Variants in XRCC4 observed in about 807,000 individuals in gnomAD.
XRCC4 encodes DNA repair protein XRCC4.
A neutral mutation model predicts 39.1 loss-of-function variants in XRCC4; 28 were observed. That is an observed-to-expected ratio of 0.72 (90% confidence interval 0.53 to 0.98). XRCC4 has a LOEUF of 0.98. Among genes scored for constraint, XRCC4 ranks in the 50% least tolerant of loss-of-function variants. The probability of loss-of-function intolerance (pLI) is 0.00; values close to 1 mark genes in which losing one functional copy is unlikely to be tolerated. For synonymous variants in XRCC4, 123 were observed against 126.4 expected, an observed-to-expected ratio of 0.97 and a Z score of 0.18; for missense variants, 350 against 376.4, an observed-to-expected ratio of 0.93 and a Z score of 0.58.
At chr5:83,143,170 C>T (rs1009584258) in intron 3 of XRCC4, among the ~76,000 whole-genome samples, 11 of 152,074 alleles carry the variant, frequency 7.2e-5, no homozygotes, top group Admixed American at 1.3e-4. Context: ...AAATGACTTA[C>T]GAAAGTCCTG....
chr5:83,285,424 T>G (rs1456566876), intron 7 of XRCC4, among the ~76,000 whole-genome samples: 3 of 152,082 alleles, frequency 2.0e-5, no homozygotes, highest in Non-Finnish European at 4.4e-5. Flanking sequence ...AGGTAGACTA[T>G]GAGAGTTACT....
intron 7 of XRCC4, among the ~76,000 whole-genome samples, chr5:83,337,052 G>A (rs76328495): frequency 0.012 from 1,824 of 152,112 alleles, 52 homozygotes; most frequent in African/African-American, 0.042. Flanking sequence ...AGTTTATAAT[G>A]TTGTCCTTTG....
chr5:83,291,541 A>G (rs1304648904), intron 7 of XRCC4, among the ~76,000 whole-genome samples: 1 of 151,898 alleles, frequency 6.6e-6, no homozygotes, highest in Non-Finnish European at 1.5e-5. Context: ...AAGCCAGGTA[A>G]ATAGATGCTT....
chr5:83,103,973 C>T (rs1746076131), intron 1 of XRCC4, among the ~76,000 whole-genome samples: 1 of 152,174 alleles, frequency 6.6e-6, no homozygotes, highest in Non-Finnish European at 1.5e-5. Context: ...GTACTACTTA[C>T]ATGGATTTGT....
At chr5:83,144,889 T>C (rs1045801962) in intron 3 of XRCC4, among the ~76,000 whole-genome samples, 1 of 152,124 alleles carries the variant, frequency 6.6e-6, no homozygotes, top group African/African-American at 2.4e-5. Flanking sequence ...TCATTTGTCA[T>C]GATCATAAAT....
intron 6 of XRCC4, among the ~76,000 whole-genome samples, chr5:83,224,359 G>A (rs1752209476): frequency 6.6e-6 from 1 of 151,978 alleles, no homozygotes; most frequent in Admixed American, 6.6e-5. Context: ...ACTTTAAGCT[G>A]GTAGCAGCTT....
At chr5:83,181,207 T>C (rs1457678443) in intron 3 of XRCC4, among the ~76,000 whole-genome samples, 2 of 152,002 alleles carry the variant, frequency 1.3e-5, no homozygotes, top group Non-Finnish European at 2.9e-5. Flanking sequence ...TAACAAACCT[T>C]CTCAATCTTC....
At chr5:83,129,336 C>T (rs1384716467) in intron 3 of XRCC4, among the ~76,000 whole-genome samples, 5 of 151,160 alleles carry the variant, frequency 3.3e-5, no homozygotes, top group East Asian at 1.9e-4. Flanking sequence ...TTGGTCTATA[C>T]CTCTGTTTTG....
chr5:83,356,743 T>G (rs1757194219), downstream of XRCC4: 1 of 454,064 alleles, frequency 2.2e-6, no homozygotes, highest in Non-Finnish European at 4.4e-6. Flanking sequence ...TAAACATTGT[T>G]GCAGAATGCT....
At chr5:83,090,950 A>G (rs879197166) in intron 1 of XRCC4, among the ~76,000 whole-genome samples, 1 of 152,176 alleles carries the variant, frequency 6.6e-6, no homozygotes, top group Non-Finnish European at 1.5e-5. Context: ...ATGATTTTGA[A>G]TGCAATGCAG....
intron 3 of XRCC4, among the ~76,000 whole-genome samples, chr5:83,178,549 A>G (rs2112642886): frequency 6.6e-6 from 1 of 152,298 alleles, no homozygotes; most frequent in Middle Eastern, 3.4e-3. Flanking sequence ...TGCAAGCAAA[A>G]TAAAAACCGT....
chr5:83,134,241 G>GT (rs1243766613), intron 3 of XRCC4, among the ~76,000 whole-genome samples: 3 of 152,140 alleles, frequency 2.0e-5, no homozygotes, highest in Non-Finnish European at 4.4e-5. Context: ...AAGTCCCGCG[G>GT]TGAGTGCCAG....
chr5:83,249,741 T>C (rs1032839759), intron 6 of XRCC4, among the ~76,000 whole-genome samples: 2 of 152,244 alleles, frequency 1.3e-5, no homozygotes, highest in African/African-American at 4.8e-5. Context: ...AATAATTTAG[T>C]CTGCCAATTT....
chr5:83,362,316 A>AAAAAAAAAAAAAAAC, the XRCC4 span, among the ~76,000 whole-genome samples: 4 of 145,952 alleles, frequency 2.7e-5, no homozygotes, highest in African/African-American at 1.1e-4. Flanking sequence ...AAAAAAAAAA[A>AAAAAAAAAAAAAAAC]AACTATCTCA....
intron 7 of XRCC4, chr5:83,280,550 G>T: frequency 1.8e-6 from 1 of 558,764 alleles, no homozygotes. Context: ...ACAGGCCCCT[G>T]CACTGGAGCC....
At chr5:83,340,520 A>G (rs1187049261) in intron 7 of XRCC4, among the ~76,000 whole-genome samples, 1 of 152,198 alleles carries the variant, frequency 6.6e-6, no homozygotes, top group East Asian at 1.9e-4. Flanking sequence ...AGATAAGACT[A>G]AGCAAGCAAC....
intron 7 of XRCC4, among the ~76,000 whole-genome samples, chr5:83,264,870 T>TA (rs1753900709): frequency 6.6e-6 from 1 of 152,184 alleles, no homozygotes; most frequent in Non-Finnish European, 1.5e-5. Context: ...TACATGGAAT[T>TA]ACACATATAT....
chr5:83,262,867 A>G (rs949404030), intron 7 of XRCC4, among the ~76,000 whole-genome samples: 12 of 140,622 alleles, frequency 8.5e-5, no homozygotes, highest in Non-Finnish European at 1.5e-4. Flanking sequence ...TTATACTTTA[A>G]GTTTCTGGGT....
chr5:83,298,461 A>G (rs1467603504), intron 7 of XRCC4, among the ~76,000 whole-genome samples: 1 of 151,948 alleles, frequency 6.6e-6, no homozygotes, highest in Non-Finnish European at 1.5e-5. Context: ...AGAATCTTTC[A>G]TTATTATAAA....
Sources: allele counts gnomAD v4.1 joint callset (sites outside exome capture counted in the v4.1 genomes callset), GRCh38; gene constraint gnomAD v4.1.1; transcripts MANE v1.5; gene names NCBI Gene and HGNC (gene_info 2026-07-23, HGNC 2026-07-21).